VMP1: variants seen among roughly 807,000 people sequenced by gnomAD.
VMP1 encodes the protein ectopic P-granules autophagy protein 3 homolog.
Under a neutral mutation model 56.0 loss-of-function variants are expected in VMP1, and 11 were observed. The ratio of observed to expected loss-of-function variants is 0.20; its 90% CI spans 0.12 to 0.32. The LOEUF is 0.32. VMP1 is among the 10% of genes least tolerant of loss of function. VMP1 has a pLI of 1.00. For missense variants in VMP1, 296 were observed against 490.3 expected (o/e 0.60, Z 3.74); for synonymous variants, 149 against 165.0 (o/e 0.90, Z 0.74).
Position 59,735,323 on chromosome 17 carries a change from A to C in VMP1, c.77-15A>C, listed in dbSNP as rs376201393. On this transcript the variant is annotated splice_polypyrimidine_tract_variant and intron_variant, in intron 2 of 11. Transcript: ENST00000262291. ...TTAGAAATTCTGTTTTAATCTCTGC[A>C]CTATTGTTTTTCAGACCCCTCTTCA... is the stretch of plus-strand genomic sequence containing the variant. The C allele has an allele frequency of 4.3e-6, 7 of 1,613,268 alleles. No homozygotes were observed. In the South Asian group the frequency reaches 6.6e-5, roughly 15 times the overall value.
At chr17:59,785,051 A>G (rs1310086216) in intron 7 of VMP1, 2 of 152,208 alleles carry the variant, frequency 1.3e-5, no homozygotes, top group East Asian at 3.8e-4. Context: ...TGAAAAATAA[A>G]AGAACTTATT....
chr17:59,758,643 A>G (rs944929606), intron 5 of VMP1, among the ~76,000 whole-genome samples: 1 of 150,072 alleles, frequency 6.7e-6, no homozygotes, highest in Non-Finnish European at 1.5e-5. Flanking sequence ...TGGGCAACAT[A>G]GGGGGACCCA....
chr17:59,778,902 C>G (rs2144060883), intron 7 of VMP1, among the ~76,000 whole-genome samples: 1 of 152,334 alleles, frequency 6.6e-6, no homozygotes, highest in Admixed American at 6.5e-5. Context: ...GTACCATACT[C>G]TCACACAATG....
At chr17:59,775,511 A>G (rs907502030) in intron 7 of VMP1, among the ~76,000 whole-genome samples, 6 of 151,984 alleles carry the variant, frequency 3.9e-5, no homozygotes, top group Admixed American at 6.6e-5. Flanking sequence ...TTGTAGAGAC[A>G]GGGTCCCACT....
intron 1 of VMP1, among the ~76,000 whole-genome samples, chr17:59,725,941 C>T (rs537016401): frequency 9.2e-5 from 14 of 152,238 alleles, no homozygotes; most frequent in African/African-American, 3.4e-4. Flanking sequence ...TAAGTACGCA[C>T]TCATAGACCC....
chr17:59,838,959 G>A (rs181877029), intron 11 of VMP1: 1 of 152,076 alleles, frequency 6.6e-6, no homozygotes, highest in Admixed American at 6.6e-5. Flanking sequence ...GGAAGCACAG[G>A]TTTTTTTTGT....
At chr17:59,708,566 A>G (rs1309645265) in intron 1 of VMP1, among the ~76,000 whole-genome samples, 1 of 152,238 alleles carries the variant, frequency 6.6e-6, no homozygotes, top group Non-Finnish European at 1.5e-5. Context: ...TTTTGGCAGC[A>G]TCGCTCCTTA....
chr17:59,711,311 CT>C (rs2033925091), intron 1 of VMP1, among the ~76,000 whole-genome samples: 1 of 151,670 alleles, frequency 6.6e-6, no homozygotes, highest in African/African-American at 2.4e-5. Flanking sequence ...ATTTAACAAA[CT>C]TTTTAGTCTC....
intron 7 of VMP1, among the ~76,000 whole-genome samples, chr17:59,794,517 ATTTTTTTTTTTTTTTTTTTTTT>A (rs71145572): frequency 2.3e-5 from 1 of 43,090 alleles, no homozygotes; most frequent in Non-Finnish European, 3.7e-5. Context: ...CGCGCCCTGC[ATTTTTTTTTTTTTTTTTTTTTT>A]TTTTTTTTTT....
chr17:59,727,326 G>C (rs545183924), intron 1 of VMP1, among the ~76,000 whole-genome samples: 3 of 152,006 alleles, frequency 2.0e-5, no homozygotes, highest in African/African-American at 7.2e-5. Flanking sequence ...AGTAGAGACA[G>C]GCTTTCACCG....
At chr17:59,739,993 T>C (rs1236304836) in intron 5 of VMP1, among the ~76,000 whole-genome samples, 4 of 147,514 alleles carry the variant, frequency 2.7e-5, no homozygotes, top group Non-Finnish European at 4.5e-5. Flanking sequence ...AGGAGAGTGA[T>C]GTGAACCTGG....
At chr17:59,833,771 A>C (rs2038890678) in intron 10 of VMP1, among the ~76,000 whole-genome samples, 1 of 152,146 alleles carries the variant, frequency 6.6e-6, no homozygotes, top group Admixed American at 6.5e-5. Context: ...ACAATGGTAA[A>C]TTATTTACCT....
At chr17:59,801,965 C>T (rs1274711605) in intron 7 of VMP1, among the ~76,000 whole-genome samples, 3 of 152,054 alleles carry the variant, frequency 2.0e-5, no homozygotes, top group Non-Finnish European at 4.4e-5. Flanking sequence ...CTTTGGGAGG[C>T]CAAGGTGGGC....
intron 6 of VMP1, among the ~76,000 whole-genome samples, chr17:59,770,636 T>C (rs1598368001): frequency 6.6e-6 from 1 of 151,456 alleles, no homozygotes. Flanking sequence ...CAGGCTGGAG[T>C]GCAATGGCAC....
At chr17:59,714,868 G>A (rs760514273) in intron 1 of VMP1, among the ~76,000 whole-genome samples, 8 of 152,100 alleles carry the variant, frequency 5.3e-5, no homozygotes, top group Admixed American at 6.6e-5. Context: ...TTTTGGTAGG[G>A]ATGGGGTCTT....
At chr17:59,772,345 G>T (rs1296878451) in intron 6 of VMP1, among the ~76,000 whole-genome samples, 1 of 152,070 alleles carries the variant, frequency 6.6e-6, no homozygotes, top group Non-Finnish European at 1.5e-5. Flanking sequence ...CGTGGAAATT[G>T]TTGGTTCCAC....
intron 11 of VMP1, chr17:59,839,435 G>T: frequency 4.2e-6 from 1 of 240,316 alleles, no homozygotes; most frequent in Admixed American, 5.4e-5. Flanking sequence ...TAACTGTCTT[G>T]ACAATACTCA....
chr17:59,832,907 G>T (rs925990872), intron 10 of VMP1, among the ~76,000 whole-genome samples: 1 of 151,616 alleles, frequency 6.6e-6, no homozygotes, highest in African/African-American at 2.4e-5. Flanking sequence ...CACCATGCCC[G>T]GCCGAAATGG....
intron 11 of VMP1, 87 bp from the exon 12 acceptor site, chr17:59,839,681 A>G (rs2039096841): frequency 6.8e-7 from 1 of 1,463,172 alleles, no homozygotes; most frequent in African/African-American, 1.4e-5. Context: ...TGTAAGTTAC[A>G]CACTTCAAGC....
Sources: allele counts gnomAD v4.1 joint callset (sites outside exome capture counted in the v4.1 genomes callset), GRCh38; gene constraint gnomAD v4.1.1; transcripts MANE v1.5; gene names NCBI Gene and HGNC (gene_info 2026-07-23, HGNC 2026-07-21).